CCNT1: variants seen among roughly 807,000 people sequenced by gnomAD.
The protein encoded by CCNT1 is cyclin T1.
A neutral mutation model predicts 67.3 loss-of-function variants in CCNT1; 18 were observed. The observed-to-expected ratio is 0.27, with a 90% CI of 0.18 to 0.40. The LOEUF (loss-of-function observed/expected upper bound fraction) is 0.40, where lower values mean the gene tolerates loss of function less well. CCNT1 is among the 10% of genes least tolerant of loss of function. The pLI, the probability that CCNT1 is intolerant of heterozygous loss-of-function variation, is 1.00. For missense variants in CCNT1, 744 were observed against 884.9 expected (o/e 0.84, Z 2.02); for synonymous variants, 333 against 310.3 (o/e 1.07, Z -0.77).
At chr12:48,705,268 T>A (rs761086636) in intron 3 of CCNT1, among the ~76,000 whole-genome samples, 2 of 149,740 alleles carry the variant, frequency 1.3e-5, no homozygotes, top group South Asian at 4.4e-4. Flanking sequence ...TGAGCCAGCA[T>A]GCCCAGTTGT....
intron 3 of CCNT1, among the ~76,000 whole-genome samples, chr12:48,701,616 T>C (rs989398954): frequency 2.0e-5 from 3 of 150,858 alleles, no homozygotes; most frequent in African/African-American, 4.9e-5. Flanking sequence ...TCTTTTTTCT[T>C]TTTTTTTTGA....
chr12:48,692,966 CAA>C lies in CCNT1; in HGVS notation c.*65_*66del, dbSNP rs397939805. The C allele has an allele frequency of 2.2e-3, 1,809 of 825,516 alleles. No individual in the cohort carries two copies. Among genetic ancestry groups the C allele is most frequent in the South Asian group, 4.0e-3 (182 of 45,884 alleles). 51.1% of individuals were successfully genotyped at this position (825,516 alleles called of 1,614,324 possible). A position where few individuals can be genotyped will look rare whatever the true frequency, so the allele number is the denominator to read the frequency against. ...TATTTCATAAGTAATTTTCTTAGTC[CAA>C]AAAAAAAAAAGAAAAATTATGTGTT... On this transcript the variant is annotated 3_prime_UTR_variant, in exon 9 of 9. Transcript: ENST00000261900.
At chr12:48,711,448 C>T (rs1332556393) in intron 2 of CCNT1, among the ~76,000 whole-genome samples, 2 of 151,988 alleles carry the variant, frequency 1.3e-5, no homozygotes, top group Admixed American at 6.6e-5. Flanking sequence ...TTAACCTATA[C>T]ATGAAGAGTG....
intron 3 of CCNT1, 121 bp from the exon 4 acceptor site, chr12:48,701,194 A>T: frequency 9.3e-6 from 3 of 323,838 alleles, no homozygotes; most frequent in Non-Finnish European, 1.9e-5. Context: ...GTTAGGAGGT[A>T]GAGTTAAGAA....
chr12:48,708,359 C>T (rs1234719273), intron 2 of CCNT1, among the ~76,000 whole-genome samples: 1 of 152,104 alleles, frequency 6.6e-6, no homozygotes, highest in African/African-American at 2.4e-5. Context: ...ACAGCCTGGA[C>T]AACGTGGTAA....
chr12:48,691,447 A>C lies in CCNT1; in HGVS notation c.*1586T>G, dbSNP rs1261350561. 1.3e-5 allele frequency: 2 copies of C among 152,230 alleles called. No homozygotes were observed. Among genetic ancestry groups the C allele is most frequent in the Admixed American group, 6.5e-5 (1 of 15,278 alleles). 9.4% of individuals were successfully genotyped at this position (152,230 alleles called of 1,614,324 possible). ...ACCTTTTCCAGAGCAAAAAAAATGCAATGAAGATCAAAGAATATCTCATTA... is the reference window on the plus strand; with the variant it reads ...ACCTTTTCCAGAGCAAAAAAAATGCCATGAAGATCAAAGAATATCTCATTA... On this transcript the variant is annotated 3_prime_UTR_variant, in exon 9 of 9. Transcript: ENST00000261900.
intron 5 of CCNT1, among the ~76,000 whole-genome samples, 167 bp from the exon 6 acceptor site, chr12:48,698,350 A>C (rs1940212856): frequency 6.6e-6 from 1 of 152,232 alleles, no homozygotes; most frequent in Non-Finnish European, 1.5e-5. Context: ...ATTCTGCCAA[A>C]GTAGACAGAT....
intron 3 of CCNT1, among the ~76,000 whole-genome samples, chr12:48,703,211 G>A (rs186366090): frequency 4.0e-5 from 6 of 151,834 alleles, no homozygotes; most frequent in African/African-American, 1.2e-4. Context: ...TCAAGAGATC[G>A]AGACCATCCT....
At position 48,716,707 on chromosome 12, in the gene CCNT1, T is replaced by A. The variant is rs748377090; in HGVS notation, c.-32A>T. The A allele has an allele frequency of 1.2e-6, 2 of 1,605,334 alleles. No individual in the cohort carries two copies. The highest frequency in any genetic ancestry group is 2.2e-5 in the South Asian group (2 of 90,260). On this transcript the variant is annotated 5_prime_UTR_variant, in exon 1 of 9. Transcript: ENST00000261900. Reference sequence around the variant, plus strand: ...TCAACCAGAAGGCAGCGGCGAAGGCTGCAGGCACTTCCCAGCGTCACCTAA... The same window carrying A: ...TCAACCAGAAGGCAGCGGCGAAGGCAGCAGGCACTTCCCAGCGTCACCTAA...
At chr12:48,711,055 T>C (rs373896132) in intron 2 of CCNT1, among the ~76,000 whole-genome samples, 3 of 140,598 alleles carry the variant, frequency 2.1e-5, no homozygotes, top group African/African-American at 8.0e-5. Flanking sequence ...AAGAGAGAGA[T>C]TCCAGGTCTC....
In CCNT1 at chr12:48,693,145, T is replaced by C. The variant is rs145928871; in HGVS notation, c.2069A>G (p.Tyr690Cys). The change falls in exon 9 of 9, where the codon TAT becomes TGT. Residue 690 changes from tyrosine to cysteine, a missense_variant. Physicochemically the swap from Tyr to Cys is radical, Grantham distance 194 (BLOSUM62 -2). Transcript: ENST00000261900. Reference protein sequence around the residue: ...AFEFVRPYSDYLNPRSGGISS... With the variant: ...AFEFVRPYSDCLNPRSGGISS... Reference sequence around the variant, plus strand: ...GATTCCACCAGACCGAGGATTCAGATAGTCACTATAAGGACGAACAAATTC... The same window carrying C: ...GATTCCACCAGACCGAGGATTCAGACAGTCACTATAAGGACGAACAAATTC... The C allele has an allele frequency of 8.7e-6, 14 of 1,614,074 alleles. No homozygotes were observed. The South Asian group carries it at 8.8e-5, about 10-fold the overall frequency.
chr12:48,714,721 T>C (rs1008627010), intron 1 of CCNT1, among the ~76,000 whole-genome samples, 197 bp from the exon 2 acceptor site: 1 of 152,254 alleles, frequency 6.6e-6, no homozygotes, highest in Non-Finnish European at 1.5e-5. Flanking sequence ...CTTAGCACAA[T>C]GCCTTACACA....
rs1283658899 is a variant in CCNT1, at chr12:48,716,504, C to T, written c.161+11G>A. 5 of 1,609,664 alleles carry T rather than the reference C, an allele frequency of 3.1e-6. No individual in the cohort carries two copies. In the East Asian group the frequency reaches 1.1e-4, roughly 36 times the overall value. On this transcript the variant is annotated intron_variant, in intron 1 of 8. Transcript: ENST00000261900. Reference sequence around the variant, plus strand: ...CAACTCCAAGGCCGAAGGCCTAGGCCACAAGGATACACGTTAAGACGCTGC... The same window carrying T: ...CAACTCCAAGGCCGAAGGCCTAGGCTACAAGGATACACGTTAAGACGCTGC...
chr12:48,700,510 A>T (rs1012847009), intron 4 of CCNT1, among the ~76,000 whole-genome samples: 7 of 152,092 alleles, frequency 4.6e-5, no homozygotes, highest in Non-Finnish European at 8.8e-5. Context: ...GAAAAAAAAA[A>T]TCTGTATTTT....
Position 48,693,547 on chromosome 12 carries a change from T to C in CCNT1, c.1667A>G (p.His556Arg), listed in dbSNP as rs1940115776. 1.2e-6 allele frequency: 2 copies of C among 1,614,170 alleles called. No homozygotes were observed. The highest frequency in any genetic ancestry group is 1.7e-6 in the Non-Finnish European group (2 of 1,180,032). Residue 556 changes from histidine to arginine, a missense_variant, in exon 9 of 9, where the codon CAT becomes CGT. Physicochemically the swap from His to Arg is conservative, Grantham distance 29. Around this residue, in one of 3 missense-constraint regions of CCNT1, gnomAD observed 564 missense variants for 574.2 expected, o/e 0.98. Coordinates refer to ENST00000261900, the MANE Select transcript of CCNT1 (RefSeq NM_001240.4). ...AGAACTAGACAAGCTATAGGTTTTA[T>C]GTGCTAAGTTGCTTGTCTGGCTACT... ...KHSSQTSNLAHKTYSLSSSFS... is the reference protein window; with the variant it reads ...KHSSQTSNLARKTYSLSSSFS...
intron 5 of CCNT1, among the ~76,000 whole-genome samples, chr12:48,698,548 G>C (rs533670568): frequency 6.6e-6 from 1 of 152,216 alleles, no homozygotes; most frequent in Non-Finnish European, 1.5e-5. Context: ...AGATTCTGAT[G>C]TAAGGATTCA....
rs1390461748 is a variant in CCNT1, at chr12:48,690,888, C to T, written c.*2145G>A. 6.6e-6 allele frequency: 1 copy of T among 152,118 alleles called. No individual in the cohort carries two copies. Among genetic ancestry groups the T allele is most frequent in the African/African-American group, 2.4e-5 (1 of 41,418 alleles). 9.4% of individuals were successfully genotyped at this position (152,118 alleles called of 1,614,324 possible). On this transcript the variant is annotated 3_prime_UTR_variant, in exon 9 of 9. Coordinates refer to ENST00000261900, the MANE Select transcript of CCNT1 (RefSeq NM_001240.4). Reference sequence around the variant, plus strand: ...AAAATCAAACCAGTGATCATCAAGTCCACAAAGATACAGATGCAGACTAAA... The same window carrying T: ...AAAATCAAACCAGTGATCATCAAGTTCACAAAGATACAGATGCAGACTAAA...
chr12:48,695,740 T>A lies in CCNT1; in HGVS notation c.777+19A>T. ...AAGAAATTGATTTTGTTCCACAAGCTGACAGTAATGATTCTTACCCTCCAA... is the reference window on the plus strand; with the variant it reads ...AAGAAATTGATTTTGTTCCACAAGCAGACAGTAATGATTCTTACCCTCCAA... On this transcript the variant is annotated intron_variant, in intron 8 of 8. Coordinates refer to ENST00000261900, the MANE Select transcript of CCNT1 (RefSeq NM_001240.4). The A allele has an allele frequency of 6.4e-7, 1 of 1,557,178 alleles. No individual in the cohort carries two copies. The highest frequency in any genetic ancestry group is 8.9e-7 in the Non-Finnish European group (1 of 1,128,942).
intron 5 of CCNT1, among the ~76,000 whole-genome samples, chr12:48,698,423 A>G (rs887767131): frequency 1.3e-5 from 2 of 152,194 alleles, no homozygotes; most frequent in Admixed American, 6.5e-5. Context: ...CTCAAGCTTT[A>G]TTCTGCACAC....
Sources: allele counts gnomAD v4.1 joint callset (sites outside exome capture counted in the v4.1 genomes callset), GRCh38; gene constraint gnomAD v4.1.1; regional missense constraint gnomAD v4.1.1; transcripts MANE v1.5; gene names NCBI Gene and HGNC (gene_info 2026-07-23, HGNC 2026-07-21).